Variants in TMEM154 observed in about 807,000 individuals in gnomAD.
TMEM154 encodes the protein transmembrane protein 154.
TMEM154 carries 27 observed loss-of-function variants against 24.5 expected under a neutral mutation model. That is an observed-to-expected ratio of 1.10 (90% CI 0.81 to 1.52). The LOEUF (loss-of-function observed/expected upper bound fraction) is 1.52. TMEM154 is among the 40% of genes most tolerant of loss of function. TMEM154 has a pLI of 0.00. For synonymous variants in TMEM154, 67 were observed against 76.8 expected (o/e 0.87, Z 0.67); for missense variants, 228 against 213.4 (o/e 1.07, Z -0.43).
At chr4:152,633,085 A>G (rs1752080228) in intron 6 of TMEM154, among the ~76,000 whole-genome samples, 1 of 152,256 alleles carries the variant, frequency 6.6e-6, no homozygotes, top group African/African-American at 2.4e-5. Context: ...TTCAGCAACC[A>G]TGTTCCAAAA....
At chr4:152,658,125 T>G (rs1185555575) in intron 1 of TMEM154, among the ~76,000 whole-genome samples, 1 of 152,142 alleles carries the variant, frequency 6.6e-6, no homozygotes, top group Non-Finnish European at 1.5e-5. Context: ...AAGTCAATAA[T>G]AAGAAGAACT....
intron 1 of TMEM154, among the ~76,000 whole-genome samples, chr4:152,678,600 G>GCTGA (rs1235508128): frequency 6.6e-6 from 1 of 152,116 alleles, no homozygotes; most frequent in African/African-American, 2.4e-5. Flanking sequence ...AGCCAGAAGA[G>GCTGA]CTGACTAGCA....
chr4:152,641,935 T>TTTGTTG (rs1561047114), intron 5 of TMEM154, among the ~76,000 whole-genome samples: 1 of 124,440 alleles, frequency 8.0e-6, no homozygotes, highest in African/African-American at 2.7e-5. Context: ...TTTTTTTTTT[T>TTTGTTG]TTGTTGAGAT....
chr4:152,646,165 C>T (rs988211410), intron 3 of TMEM154, among the ~76,000 whole-genome samples: 1 of 152,118 alleles, frequency 6.6e-6, no homozygotes, highest in Admixed American at 6.6e-5. Context: ...ACTATTTTCC[C>T]AGACAGCAAG....
intron 1 of TMEM154, among the ~76,000 whole-genome samples, chr4:152,654,039 C>CA (rs138374483): frequency 0.48 from 69,597 of 145,238 alleles, 16,819 homozygotes; most frequent in Admixed American, 0.57. Context: ...CACTCCATCT[C>CA]AAAAAAAAAA....
intron 6 of TMEM154, among the ~76,000 whole-genome samples, chr4:152,638,897 A>C (rs1168386323): frequency 1.3e-5 from 2 of 152,118 alleles, no homozygotes; most frequent in Admixed American, 1.3e-4. Flanking sequence ...TTTTAAAACA[A>C]TCATTTAACT....
chr4:152,675,709 G>A (rs545425599), intron 1 of TMEM154, among the ~76,000 whole-genome samples: 4 of 152,214 alleles, frequency 2.6e-5, no homozygotes, highest in South Asian at 4.1e-4. Context: ...TGGCTTGACC[G>A]TCAAGATAGA....
chr4:152,666,548 G>A (rs1021006406), intron 1 of TMEM154: 3 of 151,988 alleles, frequency 2.0e-5, no homozygotes, highest in Non-Finnish European at 1.5e-5. Context: ...CTGGGCTCAA[G>A]CAATCCTCCT....
chr4:152,679,680 G>C (rs372295674), intron 1 of TMEM154, 190 bp downstream of exon 1: 39 of 222,320 alleles, frequency 1.8e-4, no homozygotes, highest in African/African-American at 8.9e-4. Context: ...AGTTTAGACA[G>C]CTGCAGCGAA....
At chr4:152,666,416 C>T (rs1386701872) in intron 1 of TMEM154, 4 of 152,094 alleles carry the variant, frequency 2.6e-5, no homozygotes, top group African/African-American at 7.2e-5. Flanking sequence ...TGCCATTGTT[C>T]GTGAAGACAG....
intron 4 of TMEM154, 32 bp downstream of exon 4, chr4:152,644,383 C>T (rs375128812): frequency 6.2e-7 from 1 of 1,613,292 alleles, no homozygotes; most frequent in Middle Eastern, 1.6e-4. Flanking sequence ...GTTCACACCC[C>T]AGGTGGATCA....
rs189083194 is a variant in TMEM154, at chr4:152,633,476, C to A, written c.537-4915G>T. 3.9e-5 allele frequency among the ~76,000 whole-genome samples: 6 copies of A among 152,332 alleles called. No homozygotes were observed. In the East Asian group the frequency reaches 1.2e-3, roughly 29 times the overall value. ...CTATTTATTTTCTCTGTGGAATCATCAAATAAACCTAGACATTTTTAATTC... is the reference window on the plus strand; with the variant it reads ...CTATTTATTTTCTCTGTGGAATCATAAAATAAACCTAGACATTTTTAATTC... On this transcript the variant is annotated intron_variant, in intron 6 of 6. Transcript: ENST00000304385.
At chr4:152,643,872 A>G (rs1230877699) in intron 4 of TMEM154, among the ~76,000 whole-genome samples, 1 of 152,040 alleles carries the variant, frequency 6.6e-6, no homozygotes, top group Non-Finnish European at 1.5e-5. Context: ...TCACCCCAGA[A>G]CATGCTTCTG....
rs1311423570 is a variant in TMEM154 at position 152,622,833 on chromosome 4, A to G, written c.*5713T>C. ...ATTAGTTCTAATCCGTAGCAATGGG[A>G]CCATTTCTTTTTCTTTTCTTTGAGA... On this transcript the variant is annotated 3_prime_UTR_variant, in exon 7 of 7. Coordinates refer to ENST00000304385, the MANE Select transcript of TMEM154 (RefSeq NM_152680.3). The G allele has an allele frequency of 6.6e-6, 1 of 152,012 alleles. No individual in the cohort carries two copies. Among genetic ancestry groups the G allele is most frequent in the African/African-American group, 2.4e-5 (1 of 41,404 alleles). 9.4% of individuals were successfully genotyped at this position (152,012 alleles called of 1,614,324 possible). A position where few individuals can be genotyped will look rare whatever the true frequency, so the allele number is the denominator to read the frequency against.
intron 2 of TMEM154, 37 bp from the exon 3 acceptor site, chr4:152,652,613 G>A: frequency 1.2e-6 from 2 of 1,613,332 alleles, no homozygotes; most frequent in Non-Finnish European, 1.7e-6. Flanking sequence ...TTTATTGATT[G>A]TTCACTAACA....
At chr4:152,644,294 C>T (rs573137729) in intron 4 of TMEM154, 121 bp downstream of exon 4, 126 of 1,113,270 alleles carry the variant, frequency 1.1e-4, no homozygotes, top group Admixed American at 9.0e-4. Context: ...TCTCCAACCC[C>T]GCCTGGGAAG....
In TMEM154 at chr4:152,640,910, G is replaced by A; in HGVS notation, c.536+18C>T. On this transcript the variant is annotated intron_variant, in intron 6 of 6. Transcript: ENST00000304385. ...CCCCCGCCATATACATGTAATCTGT[G>A]GTAGAAATGAGAAGTACCTTGGGTT... is the stretch of plus-strand genomic sequence containing the variant. 1 of 1,533,892 alleles carries A rather than the reference G, an allele frequency of 6.5e-7. No homozygotes were observed. Among genetic ancestry groups the A allele is most frequent in the Non-Finnish European group, 9.0e-7 (1 of 1,112,914 alleles).
At chr4:152,641,860 T>C (rs975301711) in intron 5 of TMEM154, among the ~76,000 whole-genome samples, 3 of 150,822 alleles carry the variant, frequency 2.0e-5, no homozygotes, top group African/African-American at 7.3e-5. Context: ...TGAGTGGCTC[T>C]TTTTTGAAAT....
rs570888492 is a variant in TMEM154, at chr4:152,662,781, AC to A, written c.65-9855del. Among the ~76,000 whole-genome samples the A allele has an allele frequency of 4.6e-3, 698 of 152,216 alleles. 2 individuals are homozygous for A. Among genetic ancestry groups the A allele is most frequent in the Middle Eastern group, 0.01 (3 of 294 alleles). On this transcript the variant is annotated intron_variant, in intron 1 of 6. Coordinates refer to ENST00000304385, the MANE Select transcript of TMEM154 (RefSeq NM_152680.3). Reference sequence around the variant, plus strand: ...ATCCTGGGCTTCTTGGGTGAAAGTGACCTTTTACAACTTTGGGAGTCCAGCC... The same window carrying A: ...ATCCTGGGCTTCTTGGGTGAAAGTGACTTTTACAACTTTGGGAGTCCAGCC...
Sources: gnomAD v4.1 joint callset for allele counts (sites outside exome capture counted in the v4.1 genomes callset) on GRCh38, gnomAD v4.1.1 for gene constraint, MANE v1.5 for transcripts, NCBI Gene and HGNC (gene_info 2026-07-23, HGNC 2026-07-21) for gene names.